Variants in ATP10B observed in about 807,000 individuals in gnomAD.
The protein encoded by ATP10B is ATPase phospholipid transporting 10B (putative).
ATP10B carries 122 observed loss-of-function variants against 141.2 expected under a neutral mutation model. The observed-to-expected ratio is 0.86, with a 90% CI of 0.75 to 1.00. The LOEUF is 1.00. Among genes scored for constraint, ATP10B ranks in the 50% least tolerant of loss-of-function variants. The probability of loss-of-function intolerance (pLI) is 0.00; values close to 1 mark genes in which losing one functional copy is unlikely to be tolerated. For missense variants in ATP10B, 1,876 were observed against 1,825.3 expected, an observed-to-expected ratio of 1.03 and a Z score of -0.51; for synonymous variants, 685 against 692.0, an observed-to-expected ratio of 0.99 and a Z score of 0.16.
chr5:160,723,917 T>C (rs999251454), intron 2 of ATP10B, among the ~76,000 whole-genome samples: 1 of 152,166 alleles, frequency 6.6e-6, no homozygotes, highest in African/African-American at 2.4e-5. Flanking sequence ...AAAGAAAATA[T>C]GGTACATATA....
At chr5:160,671,969 C>CT (rs70990741) in intron 6 of ATP10B, among the ~76,000 whole-genome samples, 1,040 of 68,372 alleles carry the variant, frequency 0.015, 89 homozygotes, top group African/African-American at 0.038. Flanking sequence ...GCAATGCATC[C>CT]TTTTTTTTTT....
At chr5:160,782,848 C>T (rs943014532) in intron 2 of ATP10B, among the ~76,000 whole-genome samples, 12 of 151,950 alleles carry the variant, frequency 7.9e-5, no homozygotes, top group South Asian at 2.1e-4. Flanking sequence ...GTTCACAAAG[C>T]GGGTTTGAGA....
At chr5:160,611,051 G>A (rs898533221) in intron 18 of ATP10B, among the ~76,000 whole-genome samples, 1 of 152,182 alleles carries the variant, frequency 6.6e-6, no homozygotes, top group African/African-American at 2.4e-5. Flanking sequence ...GACTTAGAAT[G>A]TATTTCCCCA....
chr5:160,580,828 A>G (rs2127601330), intron 24 of ATP10B, among the ~76,000 whole-genome samples: 1 of 152,254 alleles, frequency 6.6e-6, no homozygotes, highest in African/African-American at 2.4e-5. Flanking sequence ...TACTGCCTCA[A>G]TTTCAGAACT....
intron 22 of ATP10B, among the ~76,000 whole-genome samples, chr5:160,595,071 C>A (rs1200351619): frequency 2.4e-4 from 13 of 53,496 alleles, no homozygotes; most frequent in Admixed American, 1.8e-3. Context: ...TCTCTCCACT[C>A]CAAATCAAGA....
chr5:160,749,543 C>T (rs1011924021), intron 2 of ATP10B, among the ~76,000 whole-genome samples: 4 of 152,144 alleles, frequency 2.6e-5, no homozygotes, highest in Admixed American at 6.5e-5. Flanking sequence ...GGGCTCACGA[C>T]TGTCACTATC....
intron 2 of ATP10B, among the ~76,000 whole-genome samples, chr5:160,769,291 T>G (rs886728733): frequency 9.2e-5 from 14 of 152,208 alleles, no homozygotes; most frequent in Non-Finnish European, 1.8e-4. Context: ...CTGACTGTGT[T>G]TATTATAAAG....
chr5:160,612,934 A>G lies in ATP10B; in HGVS notation c.2654-9T>C, dbSNP rs1318654807. The G allele has an allele frequency of 1.2e-6, 2 of 1,606,314 alleles. No homozygotes were observed. Among genetic ancestry groups the G allele is most frequent in the Admixed American group, 3.4e-5 (2 of 58,702 alleles). On this transcript the variant is annotated splice_polypyrimidine_tract_variant and intron_variant, in intron 17 of 25. Transcript: ENST00000327245. The stretch of plus-strand genomic sequence containing the variant: ...TTCGATCCCAGTGGCTCCTGGAGTG[A>G]TGAAAAACAACAGAGTTCACATTTA...
At position 160,649,203 on chromosome 5, in the gene ATP10B, G is replaced by C. The variant is rs1215610139; in HGVS notation, c.729C>G (p.Pro243=). The C allele has an allele frequency of 1.2e-6, 2 of 1,613,826 alleles. No homozygotes were observed. Among genetic ancestry groups the C allele is most frequent in the South Asian group, 2.2e-5 (2 of 91,068 alleles). Residue 243 remains proline, a synonymous_variant, in exon 8 of 26, where the codon CCC becomes CCG. Coordinates refer to ENST00000327245, the MANE Select transcript of ATP10B (RefSeq NM_025153.3). The part of the protein sequence containing the change: ...LFHNTIVCEK[P]NNHLNKFKGY... ...CCTTAAATTTGTTGAGGTGGTTGTT[G>C]GGTTTCTCACACACGATGGTATTGT...
chr5:160,766,464 A>G (rs1193184148), intron 2 of ATP10B, among the ~76,000 whole-genome samples: 2 of 152,136 alleles, frequency 1.3e-5, no homozygotes, highest in African/African-American at 2.4e-5. Flanking sequence ...GGAGTTGGAG[A>G]ACATTATTCT....
chr5:160,670,324 T>C (rs562718981), intron 7 of ATP10B, 139 bp downstream of exon 7: 4 of 744,228 alleles, frequency 5.4e-6, no homozygotes, highest in African/African-American at 1.7e-5. Context: ...TGGTAGGATT[T>C]AGTGTATCTA....
the ATP10B span, among the ~76,000 whole-genome samples, chr5:160,882,499 C>A: frequency 6.6e-6 from 1 of 152,038 alleles, no homozygotes; most frequent in Non-Finnish European, 1.5e-5. Flanking sequence ...CTAGCCTGGT[C>A]TTAAACTCCT....
chr5:160,635,438 A>G (rs1759294131), intron 11 of ATP10B, among the ~76,000 whole-genome samples: 1 of 152,122 alleles, frequency 6.6e-6, no homozygotes. Context: ...TTTGGATTCC[A>G]CTTTGAGTGG....
chr5:160,851,772 T>C (rs1314550528), intron 1 of ATP10B, among the ~76,000 whole-genome samples, 169 bp downstream of exon 1: 1 of 152,180 alleles, frequency 6.6e-6, no homozygotes, highest in Non-Finnish European at 1.5e-5. Context: ...TAAAACATTC[T>C]GTTAGAAAAG....
At chr5:160,668,061 T>A (rs1013491770) in intron 7 of ATP10B, among the ~76,000 whole-genome samples, 2 of 151,998 alleles carry the variant, frequency 1.3e-5, no homozygotes, top group Non-Finnish European at 2.9e-5. Flanking sequence ...AAAAACCCTG[T>A]CTCTACTAAA....
At chr5:160,709,127 C>T (rs1765200183) in intron 3 of ATP10B, among the ~76,000 whole-genome samples, 1 of 152,092 alleles carries the variant, frequency 6.6e-6, no homozygotes, top group Admixed American at 6.5e-5. Context: ...ATTCTAAGTG[C>T]ATTAAAGACC....
At chr5:160,606,167 A>G (rs1204657706) in intron 19 of ATP10B, among the ~76,000 whole-genome samples, 1 of 152,204 alleles carries the variant, frequency 6.6e-6, no homozygotes, top group Non-Finnish European at 1.5e-5. Flanking sequence ...GTTGTTCCTG[A>G]AAGGTGTTAA....
At chr5:160,921,189 G>T in the ATP10B span, among the ~76,000 whole-genome samples, 2 of 151,674 alleles carry the variant, frequency 1.3e-5, no homozygotes, top group Non-Finnish European at 2.9e-5. Flanking sequence ...TTCTTTCAGA[G>T]GGATCCTTGC....
At position 160,820,659 on chromosome 5, in the gene ATP10B, C is replaced by A. The variant is rs541947610; in HGVS notation, c.-576+31282G>T. Among the ~76,000 whole-genome samples, 3 of 151,994 alleles carry A rather than the reference C, an allele frequency of 2.0e-5. No individual in the cohort carries two copies. In the South Asian group the frequency reaches 6.2e-4, roughly 32 times the overall value. ...AATCCTCAACAAAATATTAGCAAACCAAATTAAACAACACATTGAAAAGAT... is the reference window on the plus strand; with the variant it reads ...AATCCTCAACAAAATATTAGCAAACAAAATTAAACAACACATTGAAAAGAT... On this transcript the variant is annotated intron_variant, in intron 1 of 25. Coordinates refer to ENST00000327245, the MANE Select transcript of ATP10B (RefSeq NM_025153.3).
Sources: allele counts gnomAD v4.1 joint callset (sites outside exome capture counted in the v4.1 genomes callset), GRCh38; gene constraint gnomAD v4.1.1; transcripts MANE v1.5; gene names NCBI Gene and HGNC (gene_info 2026-07-23, HGNC 2026-07-21).